Variants in ADAMTS5 observed in about 807,000 individuals in gnomAD.
The protein encoded by ADAMTS5 is A disintegrin and metalloproteinase with thrombospondin motifs 5.
A neutral mutation model predicts 81.4 loss-of-function variants in ADAMTS5; 54 were observed. The ratio of observed to expected loss-of-function variants is 0.66; its 90% CI spans 0.53 to 0.83. ADAMTS5 has a LOEUF of 0.83. Ranked by LOEUF, ADAMTS5 falls within the 40% of genes least tolerant of loss-of-function variation. ADAMTS5 has a pLI of 0.00. For synonymous variants in ADAMTS5, 532 were observed against 508.8 expected, an observed-to-expected ratio of 1.05 and a Z score of -0.61; for missense variants, 1,194 against 1,229.9, an observed-to-expected ratio of 0.97 and a Z score of 0.44.
rs1347415718 is a variant in ADAMTS5 at position 26,931,991 on chromosome 21, G to A, written c.2049+13C>T. 5.0e-6 allele frequency: 8 copies of A among 1,605,208 alleles called. No individual in the cohort carries two copies. The South Asian group carries it at 9.0e-5, about 18-fold the overall frequency. On this transcript the variant is annotated intron_variant, in intron 6 of 7. Transcript: ENST00000284987. ...GTACGCCTACTGCTTCTGGACAGTT[G>A]GTGTGTAGTTACCTTTGGAGAAAAT...
chr21:26,925,443 A>G lies in ADAMTS5; in HGVS notation c.2226-823T>C, dbSNP rs536878282. 5.3e-5 allele frequency among the ~76,000 whole-genome samples: 8 copies of G among 152,278 alleles called. No homozygotes were observed. The South Asian group carries it at 1.5e-3, about 28-fold the overall frequency. Reference sequence around the variant, plus strand: ...ATTGAGAAAGGCTTTATGGTGAGTGACATATAAGTCTTCAAAGAGCCATCA... The same window carrying G: ...ATTGAGAAAGGCTTTATGGTGAGTGGCATATAAGTCTTCAAAGAGCCATCA... On this transcript the variant is annotated intron_variant, in intron 7 of 7. Coordinates refer to ENST00000284987, the MANE Select transcript of ADAMTS5 (RefSeq NM_007038.5).
intron 1 of ADAMTS5, among the ~76,000 whole-genome samples, chr21:26,961,612 T>C (rs751205419): frequency 1.3e-5 from 2 of 152,258 alleles, no homozygotes; most frequent in Non-Finnish European, 2.9e-5. Flanking sequence ...TGTAGGCAGA[T>C]ACTGCACAGA....
At chr21:26,940,758 C>T (rs1193753011) in intron 3 of ADAMTS5, among the ~76,000 whole-genome samples, 5 of 152,052 alleles carry the variant, frequency 3.3e-5, no homozygotes, top group African/African-American at 1.2e-4. Context: ...AACAAAGATG[C>T]ATCTTTGTTA....
rs373620674 is a variant in ADAMTS5 at position 26,925,873 on chromosome 21, G to A, written c.2226-1253C>T. On this transcript the variant is annotated intron_variant, in intron 7 of 7. Coordinates refer to ENST00000284987, the MANE Select transcript of ADAMTS5 (RefSeq NM_007038.5). ...AAAGCTTCCTACAGTGTTGAAGAGA[G>A]ATGATGCAATGCTCAGGGCGTTCCT... Among the ~76,000 whole-genome samples, 6 of 152,370 alleles carry A rather than the reference G, an allele frequency of 3.9e-5. No homozygotes were observed. The East Asian group carries it at 7.7e-4, about 20-fold the overall frequency.
intron 1 of ADAMTS5, among the ~76,000 whole-genome samples, chr21:26,963,616 A>AC (rs984834700): frequency 3.2e-5 from 4 of 125,506 alleles, no homozygotes; most frequent in African/African-American, 1.2e-4. Flanking sequence ...AGAGCAAGGA[A>AC]CCCCAGACAC....
chr21:26,949,198 T>TGG (rs1335589564), intron 2 of ADAMTS5, among the ~76,000 whole-genome samples: 16 of 137,604 alleles, frequency 1.2e-4, no homozygotes, highest in African/African-American at 4.1e-4. Context: ...TATATATATA[T>TGG]GGAGAGAGAG....
chr21:26,933,981 G>C (rs956923249), intron 4 of ADAMTS5, among the ~76,000 whole-genome samples: 2 of 152,148 alleles, frequency 1.3e-5, no homozygotes, highest in Non-Finnish European at 2.9e-5. Flanking sequence ...TGTTTCCCCG[G>C]AGCAGTCGTA....
chr21:26,946,690 T>C (rs1254572973), intron 2 of ADAMTS5, among the ~76,000 whole-genome samples: 1 of 152,050 alleles, frequency 6.6e-6, no homozygotes, highest in Non-Finnish European at 1.5e-5. Flanking sequence ...ATGAAGAATA[T>C]AAAAGAGTGT....
intron 2 of ADAMTS5, 75 bp downstream of exon 2, chr21:26,954,664 G>GCTAAGTATTT: frequency 6.4e-7 from 1 of 1,565,566 alleles, no homozygotes; most frequent in Non-Finnish European, 8.6e-7. Flanking sequence ...GGAATTAATT[G>GCTAAGTATTT]CTAAGTATTT....
intron 2 of ADAMTS5, among the ~76,000 whole-genome samples, chr21:26,947,453 GA>G (rs1987237401): frequency 6.7e-6 from 1 of 149,096 alleles, no homozygotes; most frequent in Admixed American, 6.7e-5. Context: ...TTTTTTTTGA[GA>G]TGGAGTTTCT....
intron 4 of ADAMTS5, among the ~76,000 whole-genome samples, chr21:26,933,326 C>A (rs929352695): frequency 3.3e-5 from 5 of 152,144 alleles, no homozygotes. Flanking sequence ...TTTCTACGGA[C>A]CATTGTAAAT....
At chr21:26,932,333 T>A (rs945900790) in intron 5 of ADAMTS5, among the ~76,000 whole-genome samples, 154 bp from the exon 6 acceptor site, 5 of 152,164 alleles carry the variant, frequency 3.3e-5, no homozygotes, top group Admixed American at 6.6e-5. Context: ...ATTTTATCTA[T>A]ACATAGAGTT....
chr21:26,966,114 G>T lies in ADAMTS5; in HGVS notation c.278C>A (p.Ala93Glu), dbSNP rs1178827544. Residue 93 changes from alanine (A) to glutamate (E), a missense_variant, in exon 1 of 8, where the codon GCG (alanine) becomes GAG (glutamate). This residue lies in a region of ADAMTS5 where 498 missense variants were observed against 412.3 expected (regional missense o/e 1.21). Coordinates refer to ENST00000284987, the MANE Select transcript of ADAMTS5 (RefSeq NM_007038.5). The part of the protein sequence containing the change: ...GGGKVGYLVY[A>E]GGRRFLLDLE... Reference sequence around the variant, plus strand: ...GTCCAAGAGGAACCTCCGGCCGCCCGCGTAGACGAGGTAGCCCACCTTGCC... The same window carrying T: ...GTCCAAGAGGAACCTCCGGCCGCCCTCGTAGACGAGGTAGCCCACCTTGCC... The T allele has an allele frequency of 6.2e-7, 1 of 1,612,766 alleles. No homozygotes were observed. The highest frequency in any genetic ancestry group is 2.2e-5 in the East Asian group (1 of 44,840).
At position 26,924,305 on chromosome 21, in the gene ADAMTS5, A is replaced by G. The variant is rs1986762857; in HGVS notation, c.2541T>C (p.Tyr847=). 1.9e-6 allele frequency: 3 copies of G among 1,614,104 alleles called. No homozygotes were observed. Among genetic ancestry groups the G allele is most frequent in the Non-Finnish European group, 2.5e-6 (3 of 1,180,044 alleles). ...TDPTKPLDVR[Y]SFFVPKKSTP... is the part of the protein sequence containing the mutation. ...TGGACTTCTTGGGAACAAAAAAGCT[A>G]TAACGGACATCTAATGGTTTAGTGG... The change falls in exon 8 of 8, where the codon TAT becomes TAC. Residue 847 remains tyrosine, a synonymous_variant. Coordinates refer to ENST00000284987, the MANE Select transcript of ADAMTS5 (RefSeq NM_007038.5).
At chr21:26,950,299 G>A (rs773358069) in intron 2 of ADAMTS5, among the ~76,000 whole-genome samples, 3 of 152,146 alleles carry the variant, frequency 2.0e-5, no homozygotes, top group Non-Finnish European at 4.4e-5. Context: ...TTGTTTTTAA[G>A]GACCATATGT....
chr21:26,938,727 G>C (rs576879603), intron 3 of ADAMTS5, among the ~76,000 whole-genome samples: 1 of 152,012 alleles, frequency 6.6e-6, no homozygotes, highest in South Asian at 2.1e-4. Context: ...ACTATGTTTC[G>C]CCGTGTTGGC....
At chr21:26,936,156 C>T (rs1987010001) in intron 3 of ADAMTS5, among the ~76,000 whole-genome samples, 1 of 152,086 alleles carries the variant, frequency 6.6e-6, no homozygotes, top group Non-Finnish European at 1.5e-5. Flanking sequence ...TGAAGGGCAG[C>T]CATGTGTAAG....
chr21:26,936,440 C>G (rs927464990), intron 3 of ADAMTS5, among the ~76,000 whole-genome samples: 4 of 152,082 alleles, frequency 2.6e-5, no homozygotes, highest in Admixed American at 6.5e-5. Context: ...TACAGTTATT[C>G]TTTTTATTCA....
intron 1 of ADAMTS5, among the ~76,000 whole-genome samples, chr21:26,960,139 C>T (rs1289080370): frequency 6.6e-6 from 1 of 152,220 alleles, no homozygotes; most frequent in Non-Finnish European, 1.5e-5. Flanking sequence ...ACATCCACCT[C>T]TTCCTAACAT....
Sources: gnomAD v4.1 joint callset for allele counts (sites outside exome capture counted in the v4.1 genomes callset) on GRCh38, gnomAD v4.1.1 for gene constraint, gnomAD v4.1.1 regional missense constraint, MANE v1.5 for transcripts, NCBI Gene and HGNC (gene_info 2026-07-23, HGNC 2026-07-21) for gene names.